The following HCLS1 variants were observed in gnomAD, a reference collection of about 807,000 sequenced individuals.
The protein encoded by HCLS1 is hematopoietic lineage cell-specific protein.
Under a neutral mutation model 68.6 loss-of-function variants are expected in HCLS1, and 44 were observed. That is an observed-to-expected ratio of 0.64 (90% confidence interval 0.50 to 0.82). HCLS1 has a LOEUF of 0.82. Ranked by LOEUF, HCLS1 falls within the 40% of genes least tolerant of loss-of-function variation. The probability of loss-of-function intolerance (pLI) is 0.00; values close to 1 mark genes in which losing one functional copy is unlikely to be tolerated. For synonymous variants in HCLS1, 217 were observed against 225.8 expected (o/e 0.96, Z 0.35); for missense variants, 602 against 612.1 (o/e 0.98, Z 0.17).
intron 7 of HCLS1, 82 bp from the exon 8 acceptor site, chr3:121,636,571 G>A (rs1405184857): frequency 1.9e-6 from 2 of 1,048,528 alleles, no homozygotes; most frequent in African/African-American, 3.1e-5. Flanking sequence ...AAGAAAAACA[G>A]GAATGTGGAA....
chr3:121,641,973 G>A (rs535942437), intron 6 of HCLS1, among the ~76,000 whole-genome samples: 154 of 149,272 alleles, frequency 1.0e-3, no homozygotes, highest in African/African-American at 3.6e-3. Flanking sequence ...CCAGCTACTC[G>A]GGAGGCTGAG....
At chr3:121,659,222 G>A (rs1411912082) in intron 1 of HCLS1, among the ~76,000 whole-genome samples, 1 of 152,170 alleles carries the variant, frequency 6.6e-6, no homozygotes, top group African/African-American at 2.4e-5. Flanking sequence ...TTCTGCTGGG[G>A]CATTCCCAGT....
At chr3:121,642,684 G>A (rs537816523) in intron 6 of HCLS1, among the ~76,000 whole-genome samples, 9 of 152,166 alleles carry the variant, frequency 5.9e-5, no homozygotes, top group African/African-American at 2.2e-4. Flanking sequence ...GCTGAGGTGG[G>A]AGGATCGCTT....
At chr3:121,632,207 A>G (rs767979007) in intron 12 of HCLS1, 23 bp from the exon 13 acceptor site, 4 of 1,611,354 alleles carry the variant, frequency 2.5e-6, no homozygotes, top group African/African-American at 2.7e-5. Context: ...AAACACAAAC[A>G]TGGGATCATC....
intron 4 of HCLS1, among the ~76,000 whole-genome samples, chr3:121,646,201 A>G (rs1480431151): frequency 2.7e-5 from 3 of 111,558 alleles, no homozygotes; most frequent in African/African-American, 1.1e-4. Context: ...TATTAAATAT[A>G]TTATTTATAT....
intron 12 of HCLS1, 38 bp downstream of exon 12, chr3:121,632,294 C>G: frequency 6.2e-7 from 1 of 1,609,696 alleles, no homozygotes. Context: ...CTCCCCTGGA[C>G]ATGAGCAAAT....
At position 121,632,576 on chromosome 3, in the gene HCLS1, A is replaced by C; in HGVS notation, c.1009-13T>G. ...GCTCCTCATTGTCCTGAGAAGAGAC[A>C]GTGTGGAGCACTGTGACTTCCACTT... On this transcript the variant is annotated splice_polypyrimidine_tract_variant and intron_variant, in intron 11 of 13. Coordinates refer to ENST00000314583, the MANE Select transcript of HCLS1 (RefSeq NM_005335.6). 1 of 1,606,586 alleles carries C rather than the reference A, an allele frequency of 6.2e-7. No homozygotes were observed. The highest frequency in any genetic ancestry group is 8.5e-7 in the Non-Finnish European group (1 of 1,177,760).
intron 5 of HCLS1, chr3:121,643,309 T>C (rs2107467780): frequency 4.7e-6 from 1 of 213,390 alleles, no homozygotes; most frequent in Non-Finnish European, 9.7e-6. Context: ...ACCTCGACTG[T>C]AAAATGAGAG....
chr3:121,631,754 G>A lies in HCLS1; in HGVS notation c.*92C>T. The stretch of plus-strand genomic sequence containing the variant: ...GGGAAGTCTGTCCAGAACCTCATCT[G>A]GTTAGACATTTGCAGCAGGAATAGG... On this transcript the variant is annotated 3_prime_UTR_variant, in exon 14 of 14. Transcript: ENST00000314583. 7.1e-7 allele frequency: 1 copy of A among 1,404,290 alleles called. No homozygotes were observed. The highest frequency in any genetic ancestry group is 9.9e-7 in the Non-Finnish European group (1 of 1,007,226). The allele number at this position is 1,404,290 out of a possible 1,614,324, so 87.0% of individuals were successfully genotyped here. A position where few individuals can be genotyped will look rare whatever the true frequency, so the allele number is the denominator to read the frequency against.
intron 3 of HCLS1, among the ~76,000 whole-genome samples, chr3:121,654,696 A>C (rs2107478475): frequency 6.6e-6 from 1 of 152,260 alleles, no homozygotes. Context: ...AACTGCAACC[A>C]CTTCCTTTTC....
intron 3 of HCLS1, among the ~76,000 whole-genome samples, chr3:121,648,039 G>A (rs553415602): frequency 2.0e-5 from 3 of 152,266 alleles, no homozygotes; most frequent in Admixed American, 1.3e-4. Flanking sequence ...TTTCACTAGT[G>A]TACTAGGAAG....
rs943182731 is a variant in HCLS1 at position 121,660,812 on chromosome 3, G to A, written c.-1+8C>T. The A allele has an allele frequency of 6.6e-6, 1 of 152,442 alleles. No homozygotes were observed. Among genetic ancestry groups the A allele is most frequent in the African/African-American group, 2.4e-5 (1 of 41,426 alleles). 9.4% of individuals were successfully genotyped at this position (152,442 alleles called of 1,614,324 possible). ...TTTCCCAACTGTCCCATGGCTCAGA[G>A]TACCCACCTCCACCTGTGCAAGCCT... is the stretch of plus-strand genomic sequence containing the variant. On this transcript the variant is annotated splice_region_variant and intron_variant, in intron 1 of 13. Transcript: ENST00000314583.
At chr3:121,658,708 G>A (rs577875510) in intron 1 of HCLS1, among the ~76,000 whole-genome samples, 3 of 152,248 alleles carry the variant, frequency 2.0e-5, no homozygotes, top group Admixed American at 6.5e-5. Flanking sequence ...GGCAATGAGC[G>A]GTGCTATAAT....
At chr3:121,636,161 A>C (rs1034384627) in intron 8 of HCLS1, among the ~76,000 whole-genome samples, 2 of 152,154 alleles carry the variant, frequency 1.3e-5, no homozygotes, top group African/African-American at 4.8e-5. Flanking sequence ...AATGCCAAGA[A>C]ATCAATACAA....
chr3:121,636,609 C>T (rs532893696), intron 7 of HCLS1, 120 bp from the exon 8 acceptor site: 4 of 797,908 alleles, frequency 5.0e-6, no homozygotes, highest in Admixed American at 2.0e-5. Context: ...ATGTGAGAAT[C>T]AGAGGATAGA....
rs775045944 is a variant in HCLS1 at position 121,657,269 on chromosome 3, C to T, written c.158+10G>A. On this transcript the variant is annotated intron_variant, in intron 3 of 13. Coordinates refer to ENST00000314583, the MANE Select transcript of HCLS1 (RefSeq NM_005335.6). ...CCCCCTTCCTTTTCTCCAGTCCTTTCGGCACCTACTTGATGTGTTCTGTGC... is the reference window on the plus strand; with the variant it reads ...CCCCCTTCCTTTTCTCCAGTCCTTTTGGCACCTACTTGATGTGTTCTGTGC... 5.6e-6 allele frequency: 9 copies of T among 1,611,330 alleles called. No individual in the cohort carries two copies. The highest frequency in any genetic ancestry group is 1.7e-5 in the Admixed American group (1 of 59,800).
At chr3:121,635,237 T>TTCTCTC (rs201290743) in intron 9 of HCLS1, among the ~76,000 whole-genome samples, 3,001 of 114,288 alleles carry the variant, frequency 0.026, 97 homozygotes, top group African/African-American at 0.067. Flanking sequence ...TCTCTCCCTT[T>TTCTCTC]TCTCTCTCTC....
Position 121,649,963 on chromosome 3 carries a change from AG to A in HCLS1, c.159-2516del, listed in dbSNP as rs961234203. ...AATCCTAAAGAATTCACACAAAAAA[AG>A]CTACTAAAGCATTGTGCATTTGGCT... is the stretch of plus-strand genomic sequence containing the variant. On this transcript the variant is annotated intron_variant, in intron 3 of 13. Coordinates refer to ENST00000314583, the MANE Select transcript of HCLS1 (RefSeq NM_005335.6). 3.9e-5 allele frequency among the ~76,000 whole-genome samples: 6 copies of A among 152,230 alleles called. 1 individual carries two copies. The highest frequency in any genetic ancestry group is 8.8e-5 in the Non-Finnish European group (6 of 68,036).
At chr3:121,635,534 A>T (rs7620842) in intron 9 of HCLS1, among the ~76,000 whole-genome samples, 105,872 of 151,878 alleles carry the variant, frequency 0.7, 37,624 homozygotes, top group East Asian at 0.85. Context: ...CACTTTAGCC[A>T]CCAAAGTGCT....
Sources: allele counts gnomAD v4.1 joint callset (sites outside exome capture counted in the v4.1 genomes callset), GRCh38; gene constraint gnomAD v4.1.1; transcripts MANE v1.5; gene names NCBI Gene and HGNC (gene_info 2026-07-23, HGNC 2026-07-21).